LRRC4C: variants seen among roughly 807,000 people sequenced by gnomAD.
LRRC4C encodes the protein leucine-rich repeat-containing protein 4C.
LRRC4C carries 5 observed loss-of-function variants against 33.6 expected under a neutral mutation model. That is an observed-to-expected ratio of 0.15 (90% confidence interval 0.08 to 0.31). The LOEUF (loss-of-function observed/expected upper bound fraction) is 0.31. LRRC4C is among the 10% of genes least tolerant of loss of function. The probability of loss-of-function intolerance (pLI) is 1.00; values close to 1 mark genes in which losing one functional copy is unlikely to be tolerated. For missense variants in LRRC4C, 560 were observed against 796.7 expected (o/e 0.70, Z 3.58); for synonymous variants, 329 against 302.0 (o/e 1.09, Z -0.93).
chr11:41,288,983 T>G (rs1447119), intron 1 of LRRC4C, among the ~76,000 whole-genome samples: 64,553 of 151,710 alleles, frequency 0.43, 14,202 homozygotes, highest in Non-Finnish European at 0.49. Flanking sequence ...CTCTTTTGAG[T>G]AACTCAAAAT....
intron 1 of LRRC4C, among the ~76,000 whole-genome samples, chr11:41,034,466 T>TACACA (rs1208496762): frequency 6.8e-6 from 1 of 146,920 alleles, no homozygotes; most frequent in African/African-American, 2.5e-5. Context: ...ACCATATATA[T>TACACA]ATATGTGTGT....
At chr11:40,137,352 T>C (rs2134911563) in intron 6 of LRRC4C, among the ~76,000 whole-genome samples, 1 of 152,314 alleles carries the variant, frequency 6.6e-6, no homozygotes, top group South Asian at 2.1e-4. Context: ...TTTTATTTTT[T>C]TGCTTTTTCT....
chr11:41,410,770 T>C (rs537739202), intron 1 of LRRC4C, among the ~76,000 whole-genome samples: 1 of 152,154 alleles, frequency 6.6e-6, no homozygotes, highest in Non-Finnish European at 1.5e-5. Context: ...ACAACACCCG[T>C]TAATCAATGC....
chr11:40,568,411 C>T (rs192863580), intron 3 of LRRC4C, among the ~76,000 whole-genome samples: 176 of 152,246 alleles, frequency 1.2e-3, no homozygotes, highest in African/African-American at 3.1e-3. Context: ...GCCCCTGGGC[C>T]GGAAGAGCCA....
At chr11:40,972,389 G>A (rs1359437595) in intron 1 of LRRC4C, among the ~76,000 whole-genome samples, 3 of 151,956 alleles carry the variant, frequency 2.0e-5, no homozygotes, top group Admixed American at 6.6e-5. Context: ...TTCCCACCTC[G>A]GCTTCCCAAA....
intron 3 of LRRC4C, among the ~76,000 whole-genome samples, chr11:40,584,516 C>T (rs74816440): frequency 0.017 from 2,554 of 152,036 alleles, 90 homozygotes; most frequent in African/African-American, 0.058. Context: ...GCCAGTTATT[C>T]TGGCTTTTGT....
At chr11:40,781,619 T>C (rs781126394) in intron 2 of LRRC4C, among the ~76,000 whole-genome samples, 9 of 152,182 alleles carry the variant, frequency 5.9e-5, no homozygotes, top group Non-Finnish European at 8.8e-5. Context: ...GACTAAAGGA[T>C]TTGACTTTTA....
intron 2 of LRRC4C, among the ~76,000 whole-genome samples, chr11:40,924,811 A>C (rs1258571684): frequency 6.6e-6 from 1 of 152,166 alleles, no homozygotes; most frequent in East Asian, 1.9e-4. Flanking sequence ...ATAATCTCTC[A>C]AAGGCTAAAA....
At chr11:40,358,183 A>AG (rs1947764192) in intron 3 of LRRC4C, among the ~76,000 whole-genome samples, 1 of 118,798 alleles carries the variant, frequency 8.4e-6, no homozygotes, top group Non-Finnish European at 1.8e-5. Context: ...ACTCTGTCTC[A>AG]AAAATAAATA....
intron 1 of LRRC4C, among the ~76,000 whole-genome samples, chr11:41,035,529 C>A (rs761234275): frequency 5.3e-5 from 8 of 152,078 alleles, no homozygotes; most frequent in Non-Finnish European, 5.9e-5. Context: ...TGGCTTCCAG[C>A]TCCATCCATG....
chr11:40,400,353 A>T (rs1027683244), intron 3 of LRRC4C, among the ~76,000 whole-genome samples: 4 of 152,144 alleles, frequency 2.6e-5, no homozygotes, highest in Non-Finnish European at 5.9e-5. Flanking sequence ...ATCTCCAAAG[A>T]GTTGTTTGCT....
chr11:41,362,766 A>G (rs1358068966), intron 1 of LRRC4C, among the ~76,000 whole-genome samples: 5 of 151,752 alleles, frequency 3.3e-5, no homozygotes, highest in Non-Finnish European at 7.4e-5. Context: ...TGTTTTATCC[A>G]GCTTCTAGAG....
intron 3 of LRRC4C, among the ~76,000 whole-genome samples, chr11:40,586,837 T>G (rs1474721193): frequency 6.6e-6 from 1 of 152,194 alleles, no homozygotes; most frequent in Non-Finnish European, 1.5e-5. Flanking sequence ...GATCTATATC[T>G]CTGTTGTGGT....
intron 1 of LRRC4C, among the ~76,000 whole-genome samples, chr11:41,181,017 A>T (rs1034396850): frequency 3.3e-5 from 5 of 152,096 alleles, no homozygotes; most frequent in Non-Finnish European, 7.4e-5. Context: ...TGGGAGAAGA[A>T]AAAAAAAGAA....
At chr11:40,271,344 G>T (rs1290282207) in intron 4 of LRRC4C, among the ~76,000 whole-genome samples, 1 of 152,140 alleles carries the variant, frequency 6.6e-6, no homozygotes, top group Non-Finnish European at 1.5e-5. Context: ...TCCAAATTAG[G>T]AAAGAGAGTG....
In LRRC4C at chr11:40,922,973, C is replaced by T. The variant is rs568975324; in HGVS notation, c.-407+10662G>A. 7.9e-5 allele frequency among the ~76,000 whole-genome samples: 12 copies of T among 152,186 alleles called. No homozygotes were observed. The South Asian group carries it at 2.1e-3, about 26-fold the overall frequency. On this transcript the variant is annotated intron_variant, in intron 2 of 6. Transcript: ENST00000528697. ...CCAAGTAGCTGGGACTGCAGGCATA[C>T]GCCACCACACCCAGCTAATTTTTGT...
intron 2 of LRRC4C, among the ~76,000 whole-genome samples, chr11:40,854,289 G>GT (rs1158702190): frequency 2.6e-5 from 4 of 152,122 alleles, no homozygotes; most frequent in Admixed American, 6.5e-5. Flanking sequence ...CTCGATTCTT[G>GT]TAACACTTTG....
intron 1 of LRRC4C, among the ~76,000 whole-genome samples, chr11:41,292,236 C>G (rs1395380363): frequency 6.6e-6 from 1 of 152,094 alleles, no homozygotes; most frequent in Non-Finnish European, 1.5e-5. Context: ...TGAGCCTTTT[C>G]TAAGCAGAAG....
chr11:41,264,885 A>C (rs1389662338), intron 1 of LRRC4C, among the ~76,000 whole-genome samples: 1 of 152,154 alleles, frequency 6.6e-6, no homozygotes, highest in Non-Finnish European at 1.5e-5. Flanking sequence ...GCATAGTCTG[A>C]CATGTAATTT....
Sources: allele counts gnomAD v4.1 joint callset (sites outside exome capture counted in the v4.1 genomes callset), GRCh38; gene constraint gnomAD v4.1.1; transcripts MANE v1.5; gene names NCBI Gene and HGNC (gene_info 2026-07-23, HGNC 2026-07-21).